Variants in MORC2 observed in about 807,000 individuals in gnomAD.
MORC2 encodes ATPase MORC2.
A neutral mutation model predicts 136.0 loss-of-function variants in MORC2; 30 were observed. The ratio of observed to expected loss-of-function variants is 0.22; its 90% CI spans 0.17 to 0.30. The LOEUF (loss-of-function observed/expected upper bound fraction) is 0.30, where lower values mean the gene tolerates loss of function less well. Among genes scored for constraint, MORC2 ranks in the 10% least tolerant of loss-of-function variants. MORC2 has a pLI of 1.00. For missense variants in MORC2, 922 were observed against 1,333.1 expected, an observed-to-expected ratio of 0.69 and a Z score of 4.80; for synonymous variants, 439 against 487.0, an observed-to-expected ratio of 0.90 and a Z score of 1.30.
In MORC2 at chr22:30,968,093, CAATG is replaced by C; in HGVS notation, c.-208_-205del. ...TTCAAGTGTTTTTTTTTAATCTTCT[CAATG>C]ATTTATGATGTAATATTTTGGAAGG... On this transcript the variant is annotated 5_prime_UTR_variant, in exon 1 of 26. It adds an upstream start codon to the 5' untranslated region. Transcript: ENST00000397641. 1 of 542,444 alleles carries C rather than the reference CAATG, an allele frequency of 1.8e-6. No individual in the cohort carries two copies. The allele number at this position is 542,444 out of a possible 1,614,324, so 33.6% of individuals were successfully genotyped here. A position where few individuals can be genotyped will look rare whatever the true frequency, so the allele number is the denominator to read the frequency against.
At chr22:30,954,362 G>A (rs543244867) in intron 3 of MORC2, among the ~76,000 whole-genome samples, 6 of 152,238 alleles carry the variant, frequency 3.9e-5, no homozygotes, top group African/African-American at 1.2e-4. Context: ...AGATCCCTTA[G>A]CCAAGAATCC....
intron 5 of MORC2, among the ~76,000 whole-genome samples, chr22:30,946,911 A>G (rs1602496822): frequency 6.6e-6 from 1 of 151,172 alleles, no homozygotes; most frequent in Non-Finnish European, 1.5e-5. Context: ...CATGCTGACC[A>G]CCCCCAGTTC....
At chr22:30,936,390 A>T (rs2040652882) in intron 17 of MORC2, 121 bp downstream of exon 17, 1 of 1,398,824 alleles carries the variant, frequency 7.1e-7, no homozygotes, top group Non-Finnish European at 9.6e-7. Context: ...GCTTTGGCAA[A>T]CAACGCGGGT....
At chr22:30,965,289 G>C (rs2041110705) in intron 1 of MORC2, among the ~76,000 whole-genome samples, 1 of 152,212 alleles carries the variant, frequency 6.6e-6, no homozygotes, top group African/African-American at 2.4e-5. Context: ...CAGAACAAAG[G>C]AGAAGAGAGA....
chr22:30,949,856 C>T lies in MORC2; in HGVS notation c.227-14G>A, dbSNP rs767112100. The T allele has an allele frequency of 1.2e-5, 19 of 1,612,924 alleles. 1 individual carries two copies. On this transcript the variant is annotated splice_polypyrimidine_tract_variant and intron_variant, in intron 4 of 25. Coordinates refer to ENST00000397641, the MANE Select transcript of MORC2 (RefSeq NM_001303256.3). ...TGGCAGCATCACCTGAAAGGGCAGACACAAGAGAAAGTGAAAAGTTTGCAT... is the reference window on the plus strand; with the variant it reads ...TGGCAGCATCACCTGAAAGGGCAGATACAAGAGAAAGTGAAAAGTTTGCAT...
Position 30,937,050 on chromosome 22 carries a change from A to G in MORC2, c.1499-13T>C. On this transcript the variant is annotated splice_polypyrimidine_tract_variant and intron_variant, in intron 15 of 25. Transcript: ENST00000397641. The surrounding 1 kb of genome is among the most constrained non-coding windows in gnomAD (Gnocchi z 4.7). ...TTCAGACACAAATCTGCAGAGAGCAAAAAAACCCCACATATCAGCCACGCC... is the reference window on the plus strand; with the variant it reads ...TTCAGACACAAATCTGCAGAGAGCAGAAAAACCCCACATATCAGCCACGCC... 6.3e-7 allele frequency: 1 copy of G among 1,592,994 alleles called. No homozygotes were observed. The highest frequency in any genetic ancestry group is 8.6e-7 in the Non-Finnish European group (1 of 1,161,072).
Position 30,967,952 on chromosome 22 carries a change from C to A in MORC2, c.-63G>T. 21 of 1,362,460 alleles carry A rather than the reference C, an allele frequency of 1.5e-5. No individual in the cohort carries two copies. Among genetic ancestry groups the A allele is most frequent in the Non-Finnish European group, 2.0e-5 (20 of 976,112 alleles). The allele number at this position is 1,362,460 out of a possible 1,614,324, so 84.4% of individuals were successfully genotyped here. A position where few individuals can be genotyped will look rare whatever the true frequency, so the allele number is the denominator to read the frequency against. On this transcript the variant is annotated 5_prime_UTR_variant, in exon 1 of 26. Transcript: ENST00000397641. ...GGGAAATATAACCTTATAATGATAT[C>A]GATTTCCCAGGATTCTGTCCAGTAA... is the stretch of plus-strand genomic sequence containing the variant.
In MORC2 at chr22:30,932,276, T is replaced by A. The variant is rs1278828655; in HGVS notation, c.2841+83A>T. ...CTAGCAACTGCAACAAGCGTAACAA[T>A]CATAATCACAACAGTTACAACAAAT... On this transcript the variant is annotated intron_variant, in intron 24 of 25. Coordinates refer to ENST00000397641, the MANE Select transcript of MORC2 (RefSeq NM_001303256.3). This position sits in a 1 kb window ranked among gnomAD's most constrained non-coding sequence, Gnocchi z 4.4. 2.5e-6 allele frequency: 3 copies of A among 1,196,000 alleles called. No homozygotes were observed. The highest frequency in any genetic ancestry group is 3.0e-5 in the African/African-American group (2 of 65,798). The allele number at this position is 1,196,000 out of a possible 1,614,324, so 74.1% of individuals were successfully genotyped here. A position where few individuals can be genotyped will look rare whatever the true frequency, so the allele number is the denominator to read the frequency against.
rs1408734885 is a variant in MORC2 at position 30,937,793 on chromosome 22, C to A, written c.1369+22G>T. 6.2e-7 allele frequency: 1 copy of A among 1,613,982 alleles called. No homozygotes were observed. The highest frequency in any genetic ancestry group is 8.5e-7 in the Non-Finnish European group (1 of 1,179,950). On this transcript the variant is annotated intron_variant, in intron 14 of 25. Transcript: ENST00000397641. The surrounding 1 kb of genome is among the most constrained non-coding windows in gnomAD (Gnocchi z 4.7). ...TTCAGGTGAAGAGAAAAGGCAGAGG[C>A]CCAGCAGCCCAGCCCCATTACCGAT...
At chr22:30,967,488 A>G (rs1323301361) in intron 1 of MORC2, 1 of 1,084,258 alleles carries the variant, frequency 9.2e-7, no homozygotes, top group Non-Finnish European at 1.1e-6. Flanking sequence ...TGATACTAAA[A>G]TAGTCCAACA....
At chr22:30,935,735 T>C (rs1304567345) in intron 17 of MORC2, among the ~76,000 whole-genome samples, 1 of 152,156 alleles carries the variant, frequency 6.6e-6, no homozygotes, top group Non-Finnish European at 1.5e-5. Context: ...GGGAAATGGT[T>C]GTGTACTAAA....
At chr22:30,933,374 G>T in intron 21 of MORC2, 92 bp downstream of exon 21, 1 of 1,403,736 alleles carries the variant, frequency 7.1e-7, no homozygotes, top group Non-Finnish European at 9.9e-7. Context: ...CAGATTCAAT[G>T]AGCCTTTGGT....
At position 30,948,915 on chromosome 22, in the gene MORC2, G is replaced by A. The variant is rs150258569; in HGVS notation, c.317+837C>T. Among the ~76,000 whole-genome samples the A allele has an allele frequency of 4.8e-3, 733 of 152,228 alleles. 1 individual carries two copies. Among genetic ancestry groups the A allele is most frequent in the Middle Eastern group, 0.017 (5 of 292 alleles). The stretch of plus-strand genomic sequence containing the variant: ...CCGGATACCAGGTCCTGATTTCTTC[G>A]GAAGTACTCTCTTTCTTCTCCATAC... On this transcript the variant is annotated intron_variant, in intron 5 of 25. Coordinates refer to ENST00000397641, the MANE Select transcript of MORC2 (RefSeq NM_001303256.3).
chr22:30,939,002 G>GA (rs1056754678), intron 12 of MORC2, among the ~76,000 whole-genome samples: 3 of 152,184 alleles, frequency 2.0e-5, no homozygotes, highest in Non-Finnish European at 4.4e-5. Context: ...GACTTGGAGA[G>GA]AAAAAACCTG....
intron 24 of MORC2, among the ~76,000 whole-genome samples, chr22:30,931,932 C>T (rs764821410): frequency 1.3e-5 from 2 of 152,244 alleles, no homozygotes; most frequent in Non-Finnish European, 2.9e-5. Flanking sequence ...ATGCTTATGT[C>T]CACACATCAC....
rs767338443 is a variant in MORC2 at position 30,968,039 on chromosome 22, T to C, written c.-150A>G. 4.9e-6 allele frequency: 3 copies of C among 606,994 alleles called. No homozygotes were observed. Among genetic ancestry groups the C allele is most frequent in the African/African-American group, 1.9e-5 (1 of 53,254 alleles). 37.6% of individuals were successfully genotyped at this position (606,994 alleles called of 1,614,324 possible). A position where few individuals can be genotyped will look rare whatever the true frequency, so the allele number is the denominator to read the frequency against. On this transcript the variant is annotated 5_prime_UTR_variant, in exon 1 of 26. The change creates a new upstream start codon in the 5' untranslated region. Coordinates refer to ENST00000397641, the MANE Select transcript of MORC2 (RefSeq NM_001303256.3). ...AGTAACCTAGTAGCTATCCAAAATATATGCAGAGATGTTTAAAACTACAAT... is the reference window on the plus strand; with the variant it reads ...AGTAACCTAGTAGCTATCCAAAATACATGCAGAGATGTTTAAAACTACAAT...
intron 1 of MORC2, among the ~76,000 whole-genome samples, chr22:30,962,720 G>A (rs1164945653): frequency 6.6e-6 from 1 of 152,094 alleles, no homozygotes; most frequent in Non-Finnish European, 1.5e-5. Flanking sequence ...GTACTTTTGT[G>A]ATGGCAGTAC....
Position 30,937,787 on chromosome 22 carries a change from C to CAG in MORC2, c.1369+26_1369+27dup. 1 of 1,613,992 alleles carries CAG rather than the reference C, an allele frequency of 6.2e-7. No individual in the cohort carries two copies. The highest frequency in any genetic ancestry group is 8.5e-7 in the Non-Finnish European group (1 of 1,179,906). ...CCTACATTCAGGTGAAGAGAAAAGGCAGAGGCCCAGCAGCCCAGCCCCATT... is the reference window on the plus strand; with the variant it reads ...CCTACATTCAGGTGAAGAGAAAAGGCAGAGAGGCCCAGCAGCCCAGCCCCATT... On this transcript the variant is annotated intron_variant, in intron 14 of 25. Coordinates refer to ENST00000397641, the MANE Select transcript of MORC2 (RefSeq NM_001303256.3). The surrounding 1 kb of genome is among the most constrained non-coding windows in gnomAD (Gnocchi z 4.7).
At chr22:30,929,159 A>C (rs1049612295) in intron 24 of MORC2, among the ~76,000 whole-genome samples, 6 of 152,268 alleles carry the variant, frequency 3.9e-5, no homozygotes, top group African/African-American at 1.4e-4. Context: ...GTTCTACACA[A>C]AACAGTAATT....
Sources: gnomAD v4.1 joint callset for allele counts (sites outside exome capture counted in the v4.1 genomes callset) on GRCh38, gnomAD v4.1.1 for gene constraint, Gnocchi (gnomAD v3.1) non-coding constraint, MANE v1.5 for transcripts, NCBI Gene and HGNC (gene_info 2026-07-23, HGNC 2026-07-21) for gene names.